Variants in SLC38A11 observed in about 807,000 individuals in gnomAD.
SLC38A11 encodes putative sodium-coupled neutral amino acid transporter 11.
Under a neutral mutation model 49.4 loss-of-function variants are expected in SLC38A11, and 51 were observed. The ratio of observed to expected loss-of-function variants is 1.03; its 90% confidence interval spans 0.83 to 1.30. The LOEUF (loss-of-function observed/expected upper bound fraction) is 1.30. Among genes scored for constraint, SLC38A11 ranks in the 50% most tolerant of loss-of-function variants. The probability of loss-of-function intolerance (pLI) is 0.00; values close to 1 mark genes in which losing one functional copy is unlikely to be tolerated. For synonymous variants in SLC38A11, 203 were observed against 192.9 expected, an observed-to-expected ratio of 1.05 and a Z score of -0.43; for missense variants, 574 against 556.2, an observed-to-expected ratio of 1.03 and a Z score of -0.32.
intron 3 of SLC38A11, among the ~76,000 whole-genome samples, chr2:164,951,722 G>T (rs1688534818): frequency 6.6e-6 from 1 of 152,152 alleles, no homozygotes; most frequent in Admixed American, 6.5e-5. Context: ...CTTGGGCAAG[G>T]GGTCTGTGGA....
At chr2:164,907,421 A>G (rs886070839) in intron 11 of SLC38A11, among the ~76,000 whole-genome samples, 1 of 151,490 alleles carries the variant, frequency 6.6e-6, no homozygotes, top group African/African-American at 2.4e-5. Flanking sequence ...CTACAGGCAC[A>G]TGCCACCAAA....
chr2:164,942,550 A>G (rs1317603136), intron 5 of SLC38A11, among the ~76,000 whole-genome samples: 1 of 152,218 alleles, frequency 6.6e-6, no homozygotes, highest in Non-Finnish European at 1.5e-5. Flanking sequence ...TCTCATGATT[A>G]AAAGATAACC....
Position 164,900,533 on chromosome 2 carries a change from G to T in SLC38A11, c.1096-1803C>A, listed in dbSNP as rs182995863. 1.1e-3 allele frequency among the ~76,000 whole-genome samples: 162 copies of T among 152,038 alleles called. 1 individual carries two copies. The highest frequency in any genetic ancestry group is 3.8e-3 in the African/African-American group (157 of 41,510). ...TGATATCGCCTAGTGGTTTTAATTT[G>T]CATTTTCCTGATGATTAATGATGTT... On this transcript the variant is annotated intron_variant, in intron 11 of 11. Transcript: ENST00000685975.
chr2:164,894,540 T>C lies in SLC38A11; in HGVS notation c.*3897A>G, dbSNP rs748360844. 3.3e-5 allele frequency among the ~76,000 whole-genome samples: 5 copies of C among 152,160 alleles called. No homozygotes were observed. Among genetic ancestry groups the C allele is most frequent in the Non-Finnish European group, 5.9e-5 (4 of 68,020 alleles). On this transcript the variant is annotated 3_prime_UTR_variant, in exon 12 of 12. Transcript: ENST00000685975. ...GCTGAGAGTTTAGTCCTTGGAAAAC[T>C]TGGTGTTCTTTTGAGAAACTGATAT...
rs576816516 is a variant in SLC38A11, at chr2:164,940,146, A to G, written c.431-590T>C. The stretch of plus-strand genomic sequence containing the variant: ...GAATGGCAGAAGCAACATATTGGAT[A>G]GAGAAGAAGTCACAGGGAAGCTGCT... On this transcript the variant is annotated intron_variant, in intron 5 of 11. Transcript: ENST00000685975. Among the ~76,000 whole-genome samples, 542 of 150,506 alleles carry G rather than the reference A, an allele frequency of 3.6e-3. 3 individuals carry two copies. The highest frequency in any genetic ancestry group is 6.0e-3 in the Non-Finnish European group (408 of 67,530).
intron 3 of SLC38A11, among the ~76,000 whole-genome samples, chr2:164,948,877 C>T (rs915935206): frequency 4.0e-5 from 6 of 149,506 alleles, no homozygotes; most frequent in Non-Finnish European, 8.8e-5. Flanking sequence ...TCCATTTTCT[C>T]TGCTAACTCA....
chr2:164,915,429 T>C, intron 8 of SLC38A11, 156 bp from the exon 9 acceptor site: 1 of 649,102 alleles, frequency 1.5e-6, no homozygotes, highest in Admixed American at 3.3e-5. Flanking sequence ...TTCTAATAGT[T>C]CTAGAAATGA....
chr2:164,900,237 T>G (rs1156470966), intron 11 of SLC38A11, among the ~76,000 whole-genome samples: 1 of 152,102 alleles, frequency 6.6e-6, no homozygotes, highest in African/African-American at 2.4e-5. Flanking sequence ...TCTTCACTAT[T>G]GTGAATAATG....
chr2:164,948,641 G>A (rs1574012412), intron 3 of SLC38A11, among the ~76,000 whole-genome samples: 2 of 152,136 alleles, frequency 1.3e-5, no homozygotes, highest in Admixed American at 6.6e-5. Context: ...CTCCAAAAAA[G>A]TAAAACATGA....
chr2:164,941,195 G>A (rs868187465), intron 5 of SLC38A11, among the ~76,000 whole-genome samples: 4 of 151,944 alleles, frequency 2.6e-5, no homozygotes, highest in Non-Finnish European at 4.4e-5. Flanking sequence ...CAACAGTAAC[G>A]AAAGGTGAAA....
chr2:164,954,468 T>C (rs1688717973), intron 2 of SLC38A11, among the ~76,000 whole-genome samples, 163 bp downstream of exon 2: 1 of 152,174 alleles, frequency 6.6e-6, no homozygotes, highest in African/African-American at 2.4e-5. Flanking sequence ...CATGCATACA[T>C]ACTGTTACAC....
intron 7 of SLC38A11, among the ~76,000 whole-genome samples, chr2:164,925,601 T>C (rs1333262493): frequency 6.6e-6 from 1 of 152,168 alleles, no homozygotes; most frequent in African/African-American, 2.4e-5. Context: ...TAAAATATAC[T>C]ATATATTTTT....
chr2:164,901,728 A>G lies in SLC38A11; in HGVS notation c.1096-2998T>C, dbSNP rs538497845. 9.2e-5 allele frequency among the ~76,000 whole-genome samples: 14 copies of G among 152,168 alleles called. No homozygotes were observed. In the East Asian group the frequency reaches 2.1e-3, roughly 23 times the overall value. ...AAATAACTTTACTTCTTCTTTTCCA[A>G]TTTGGATGCCTTTTATTTCTTTTTG... is the stretch of plus-strand genomic sequence containing the variant. On this transcript the variant is annotated intron_variant, in intron 11 of 11. Transcript: ENST00000685975.
chr2:164,898,353 A>G lies in SLC38A11; in HGVS notation c.*84T>C, dbSNP rs892027597. The G allele has an allele frequency of 5.3e-5, 53 of 1,001,850 alleles. No individual in the cohort carries two copies. The highest frequency in any genetic ancestry group is 1.4e-4 in the Admixed American group (5 of 35,546). 62.1% of individuals were successfully genotyped at this position (1,001,850 alleles called of 1,614,324 possible). A position where few individuals can be genotyped will look rare whatever the true frequency, so the allele number is the denominator to read the frequency against. On this transcript the variant is annotated 3_prime_UTR_variant, in exon 12 of 12. Transcript: ENST00000685975. ...ATAAAAGCCAAAATAATAATTTTAT[A>G]TAACATAAATACAGACTAAAGCAAG...
In SLC38A11 at chr2:164,911,727, C is replaced by A; in HGVS notation, c.872G>T (p.Cys291Phe). 2 of 1,601,152 alleles carry A rather than the reference C, an allele frequency of 1.2e-6. No individual in the cohort carries two copies. Among genetic ancestry groups the A allele is most frequent in the Non-Finnish European group, 1.7e-6 (2 of 1,173,288 alleles). Residue 291 changes from cysteine to phenylalanine, a missense_variant, in exon 10 of 12, where the codon TGC becomes TTC. By Grantham distance (205) the Cys-to-Phe change is radical. Transcript: ENST00000685975. ...FTQGDLFENY[C>F]RNDDLVTFGR... ...AAATGTTACCAGGTCATCATTTCTGCAGTAATTTTCAAATAAGTCCCCTAG... is the reference window on the plus strand; with the variant it reads ...AAATGTTACCAGGTCATCATTTCTGAAGTAATTTTCAAATAAGTCCCCTAG...
chr2:164,931,724 A>G (rs1687022108), intron 7 of SLC38A11, among the ~76,000 whole-genome samples: 1 of 152,202 alleles, frequency 6.6e-6, no homozygotes, highest in Non-Finnish European at 1.5e-5. Context: ...AGCCAAACGC[A>G]GAAGATTGAA....
intron 11 of SLC38A11, among the ~76,000 whole-genome samples, chr2:164,899,177 C>T (rs908958746): frequency 2.0e-5 from 3 of 152,050 alleles, no homozygotes; most frequent in Admixed American, 1.3e-4. Context: ...TGTATAGGGG[C>T]CACAATGTCT....
In SLC38A11 at chr2:164,953,759, CAGA is replaced by C. The variant is rs1481566878; in HGVS notation, c.154+869_154+871del. Among the ~76,000 whole-genome samples the C allele has an allele frequency of 5.3e-5, 8 of 152,228 alleles. No individual in the cohort carries two copies. In the Middle Eastern group the frequency reaches 0.01, roughly 194 times the overall value. ...TCAATCCAGATAAATGTTTAATTTT[CAGA>C]AGGTGATGACAGAAACAAAAATGTT... On this transcript the variant is annotated intron_variant, in intron 2 of 11. Transcript: ENST00000685975.
chr2:164,915,084 A>G lies in SLC38A11; in HGVS notation c.850+28T>C, dbSNP rs146070149. On this transcript the variant is annotated intron_variant, in intron 9 of 11. Transcript: ENST00000685975. ...CGGTATACCTGTACCAATGCACATG[A>G]ACACTATAACTGAATCTCTCATTTT... is the stretch of plus-strand genomic sequence containing the variant. 1,781 of 1,583,454 alleles carry G rather than the reference A, an allele frequency of 1.1e-3. 16 individuals carry two copies. Among genetic ancestry groups the G allele is most frequent in the Admixed American group, 6.6e-3 (372 of 56,582 alleles).
Sources: allele counts gnomAD v4.1 joint callset (sites outside exome capture counted in the v4.1 genomes callset), GRCh38; gene constraint gnomAD v4.1.1; transcripts MANE v1.5; gene names NCBI Gene and HGNC (gene_info 2026-07-23, HGNC 2026-07-21).